MAP3K2: variants seen among roughly 807,000 people sequenced by gnomAD.
MAP3K2 encodes mitogen-activated protein kinase kinase kinase 2.
In MAP3K2, 24 loss-of-function variants were observed where a neutral mutation model predicts 80.3. The ratio of observed to expected loss-of-function variants is 0.30; its 90% CI spans 0.22 to 0.42. The LOEUF is 0.42. Among genes scored for constraint, MAP3K2 ranks in the 10% least tolerant of loss-of-function variants. The pLI is 1.00. For missense variants in MAP3K2, 608 were observed against 750.1 expected (o/e 0.81, Z 2.21); for synonymous variants, 244 against 253.7 (o/e 0.96, Z 0.36).
intron 1 of MAP3K2, among the ~76,000 whole-genome samples, chr2:127,382,960 C>T (rs559950595): frequency 2.6e-5 from 4 of 152,224 alleles, no homozygotes; most frequent in African/African-American, 7.2e-5. Flanking sequence ...AATTGGCTCA[C>T]GGTTCAGCAA....
intron 1 of MAP3K2, among the ~76,000 whole-genome samples, chr2:127,371,879 G>A (rs979175629): frequency 3.9e-5 from 6 of 152,096 alleles, no homozygotes; most frequent in African/African-American, 7.2e-5. Flanking sequence ...TGATAAAAAC[G>A]ACAACTCCGT....
intron 1 of MAP3K2, chr2:127,378,283 T>C (rs1250605538): frequency 1.1e-5 from 3 of 268,814 alleles, no homozygotes; most frequent in Non-Finnish European, 1.7e-5. Context: ...TGTTTAAATA[T>C]CTGTATAATA....
intron 12 of MAP3K2, among the ~76,000 whole-genome samples, chr2:127,319,591 G>A (rs929956309): frequency 4.3e-5 from 6 of 139,038 alleles, no homozygotes; most frequent in East Asian, 4.4e-4. Flanking sequence ...GATCACCTGA[G>A]GTCAGGAGTT....
At chr2:127,336,099 TACA>T (rs1375901754) in intron 4 of MAP3K2, 130 bp from the exon 5 acceptor site, 1 of 537,018 alleles carries the variant, frequency 1.9e-6, no homozygotes, top group African/African-American at 1.9e-5. Context: ...TACTTAACAC[TACA>T]ACAGCACATT....
intron 5 of MAP3K2, among the ~76,000 whole-genome samples, chr2:127,331,283 A>C (rs1163296222): frequency 6.6e-6 from 1 of 152,162 alleles, no homozygotes; most frequent in Non-Finnish European, 1.5e-5. Flanking sequence ...ACTTAAGAAG[A>C]CTCTGTCAAT....
At chr2:127,323,881 G>C in intron 11 of MAP3K2, 21 bp downstream of exon 11, 1 of 1,188,224 alleles carries the variant, frequency 8.4e-7, no homozygotes, top group East Asian at 2.5e-5. Flanking sequence ...TATTCTTGTG[G>C]TCTAATTGCT....
At chr2:127,316,144 A>G (rs1472098369) in intron 14 of MAP3K2, among the ~76,000 whole-genome samples, 1 of 151,832 alleles carries the variant, frequency 6.6e-6, no homozygotes, top group East Asian at 2.0e-4. Context: ...AGGTCGAGGC[A>G]GGCGGGATCA....
At chr2:127,349,263 T>C (rs899590832) in intron 1 of MAP3K2, among the ~76,000 whole-genome samples, 1 of 152,070 alleles carries the variant, frequency 6.6e-6, no homozygotes, top group Non-Finnish European at 1.5e-5. Context: ...CTGACTCAAG[T>C]GATCCTCTTG....
chr2:127,334,294 T>A (rs988348112), intron 5 of MAP3K2, among the ~76,000 whole-genome samples: 2 of 152,092 alleles, frequency 1.3e-5, no homozygotes, highest in African/African-American at 4.8e-5. Flanking sequence ...AGGCTGTAGA[T>A]AAAGACAATA....
chr2:127,367,242 G>C (rs1434664862), intron 1 of MAP3K2, among the ~76,000 whole-genome samples: 1 of 152,086 alleles, frequency 6.6e-6, no homozygotes, highest in African/African-American at 2.4e-5. Context: ...ATCTAAGGCT[G>C]AGCAACCCTC....
intron 15 of MAP3K2, among the ~76,000 whole-genome samples, chr2:127,309,723 AATTAGG>A (rs1162250246): frequency 1.3e-5 from 2 of 152,078 alleles, no homozygotes; most frequent in Admixed American, 1.3e-4. Flanking sequence ...AATGCCCCTC[AATTAGG>A]ATTTGTCTCA....
chr2:127,386,898 C>T (rs772741554), intron 1 of MAP3K2, among the ~76,000 whole-genome samples: 2 of 152,124 alleles, frequency 1.3e-5, no homozygotes, highest in African/African-American at 2.4e-5. Flanking sequence ...ACCTTCATGA[C>T]CTTGGACAAA....
In MAP3K2 at chr2:127,363,088, CGGAAGGATGTGTGTA is replaced by C. The variant is rs535685681; in HGVS notation, c.-65-19909_-65-19895del. Among the ~76,000 whole-genome samples, 41 of 152,218 alleles carry C rather than the reference CGGAAGGATGTGTGTA, an allele frequency of 2.7e-4. No individual in the cohort carries two copies. In the East Asian group the frequency reaches 2.9e-3, roughly 11 times the overall value. ...TAATCAAGAGACAATTTAAAGTATA[CGGAAGGATGTGTGTA>C]GGTTGCATGCAAGTACTACTCAATT... is the stretch of plus-strand genomic sequence containing the variant. On this transcript the variant is annotated intron_variant, in intron 1 of 16. Transcript: ENST00000682094.
chr2:127,315,945 AG>A (rs1201602897), intron 14 of MAP3K2, among the ~76,000 whole-genome samples: 2 of 152,000 alleles, frequency 1.3e-5, no homozygotes, highest in African/African-American at 4.8e-5. Context: ...GCATGGTGGC[AG>A]GTGCCTGTAA....
intron 1 of MAP3K2, among the ~76,000 whole-genome samples, chr2:127,377,303 A>G (rs1687168377): frequency 6.6e-6 from 1 of 152,112 alleles, no homozygotes; most frequent in African/African-American, 2.4e-5. Flanking sequence ...ATTTATCAGA[A>G]CTCTGACTTA....
At chr2:127,349,236 C>A (rs951699441) in intron 1 of MAP3K2, among the ~76,000 whole-genome samples, 2 of 151,960 alleles carry the variant, frequency 1.3e-5, no homozygotes, top group African/African-American at 4.8e-5. Context: ...TCACTGCCTG[C>A]GGCAGCCTCA....
At chr2:127,309,940 C>A (rs1211674429) in intron 15 of MAP3K2, among the ~76,000 whole-genome samples, 1 of 152,136 alleles carries the variant, frequency 6.6e-6, no homozygotes, top group Non-Finnish European at 1.5e-5. Flanking sequence ...AAGAAATTCG[C>A]CACGCACAGC....
In MAP3K2 at chr2:127,324,249, GAA is replaced by G. The variant is rs747809135; in HGVS notation, c.678-10_678-9del. ...GATTTTGGATAGCTCTCTCTATAAA[GAA>G]AAAACATCACATTAAGTTTACAGAA... On this transcript the variant is annotated splice_polypyrimidine_tract_variant and intron_variant, in intron 9 of 16. Coordinates refer to ENST00000682094, the MANE Select transcript of MAP3K2 (RefSeq NM_001371910.2). 2 of 1,503,220 alleles carry G rather than the reference GAA, an allele frequency of 1.3e-6. No homozygotes were observed. Among genetic ancestry groups the G allele is most frequent in the Non-Finnish European group, 1.8e-6 (2 of 1,113,460 alleles). 93.1% of individuals were successfully genotyped at this position (1,503,220 alleles called of 1,614,324 possible).
intron 7 of MAP3K2, among the ~76,000 whole-genome samples, chr2:127,327,861 TGAC>T (rs1686175384): frequency 6.6e-6 from 1 of 152,258 alleles, no homozygotes; most frequent in Admixed American, 6.5e-5. Context: ...ATGCTGGCAC[TGAC>T]GTCAAACAAG....
Sources: allele counts gnomAD v4.1 joint callset (sites outside exome capture counted in the v4.1 genomes callset), GRCh38; gene constraint gnomAD v4.1.1; transcripts MANE v1.5; gene names NCBI Gene and HGNC (gene_info 2026-07-23, HGNC 2026-07-21).